The following PHTF2 variants were observed in gnomAD, a reference collection of about 807,000 sequenced individuals.
PHTF2 encodes putative homeodomain transcription factor 2, also known as protein PHTF2.
PHTF2 carries 60 observed loss-of-function variants against 101.2 expected under a neutral mutation model. The ratio of observed to expected loss-of-function variants is 0.59; its 90% CI spans 0.48 to 0.73. The LOEUF (loss-of-function observed/expected upper bound fraction) is 0.73. Ranked by LOEUF, PHTF2 falls within the 30% of genes least tolerant of loss-of-function variation. PHTF2 has a pLI of 0.00. For missense variants in PHTF2, 747 were observed against 908.7 expected (o/e 0.82, Z 2.29); for synonymous variants, 311 against 307.3 (o/e 1.01, Z -0.13).
intron 3 of PHTF2, among the ~76,000 whole-genome samples, 165 bp from the exon 3 acceptor site, chr7:77,893,443 C>A (rs1198599443): frequency 1.3e-5 from 2 of 152,106 alleles, no homozygotes; most frequent in Non-Finnish European, 2.9e-5. Context: ...TGAAATCATA[C>A]TTTGAGAACC....
intron 14 of PHTF2, 106 bp downstream of exon 13, chr7:77,940,408 A>T (rs1036714216): frequency 7.8e-7 from 1 of 1,273,952 alleles, no homozygotes. Context: ...TTACCTAATT[A>T]TTTTTTATTT....
intron 1 of PHTF2, among the ~76,000 whole-genome samples, chr7:77,801,050 A>G (rs1372088609): frequency 6.6e-6 from 1 of 152,262 alleles, no homozygotes; most frequent in African/African-American, 2.4e-5. Context: ...TATTGTACAC[A>G]GTAACACTTT....
At chr7:77,884,714 T>C (rs1034569871) in intron 3 of PHTF2, among the ~76,000 whole-genome samples, 1 of 152,076 alleles carries the variant, frequency 6.6e-6, no homozygotes, top group African/African-American at 2.4e-5. Context: ...CTGACCAATA[T>C]GGTCAAACCC....
chr7:77,931,753 T>C (rs969585741), intron 12 of PHTF2, among the ~76,000 whole-genome samples: 2 of 152,190 alleles, frequency 1.3e-5, no homozygotes, highest in African/African-American at 4.8e-5. Flanking sequence ...TTGTGCATGA[T>C]AGTGAAAGTT....
At chr7:77,955,251 A>G (rs1806923212) in exon 20 of PHTF2, 1 of 155,924 alleles carries the variant, frequency 6.4e-6, no homozygotes, top group African/African-American at 2.4e-5. Context: ...TACTTGAGGA[A>G]AAATTCTTTA....
At chr7:77,876,092 C>T (rs1798922322) in intron 3 of PHTF2, among the ~76,000 whole-genome samples, 1 of 152,184 alleles carries the variant, frequency 6.6e-6, no homozygotes, top group African/African-American at 2.4e-5. Flanking sequence ...AGTATCTGCA[C>T]TCTTTACTTA....
exon 16 of PHTF2, chr7:77,942,740 C>A: frequency 6.2e-7 from 1 of 1,603,630 alleles, no homozygotes; most frequent in Non-Finnish European, 8.5e-7. Flanking sequence ...ATAGTTTCAT[C>A]TGCTTTCTTA....
rs777910544 is a variant in PHTF2, at chr7:77,937,880, TTAG to T, written c.1467+45_1467+47del. 9 of 1,054,444 alleles carry T rather than the reference TTAG, an allele frequency of 8.5e-6. No homozygotes were observed. In the South Asian group the frequency reaches 1.9e-4, roughly 22 times the overall value. The allele number at this position is 1,054,444 out of a possible 1,614,324, so 65.3% of individuals were successfully genotyped here. A position where few individuals can be genotyped will look rare whatever the true frequency, so the allele number is the denominator to read the frequency against. On this transcript the variant is annotated intron_variant, in intron 13 of 19. Coordinates refer to ENST00000416283, the Ensembl canonical transcript of PHTF2. ...TATTCTTGTAGTTCAAGGGTAAGAC[TTAG>T]TAATTATATATAAGATAATTACTGG... is the stretch of plus-strand genomic sequence containing the variant.
exon 18 of PHTF2, chr7:77,951,649 T>C: frequency 6.8e-7 from 1 of 1,473,006 alleles, no homozygotes; most frequent in Non-Finnish European, 9.2e-7. Flanking sequence ...AGAAAAAACC[T>C]AACAAAAAGG....
At chr7:77,839,869 A>G (rs1434565803) in intron 1 of PHTF2, among the ~76,000 whole-genome samples, 1 of 152,224 alleles carries the variant, frequency 6.6e-6, no homozygotes, top group Non-Finnish European at 1.5e-5. Flanking sequence ...AACAAACTAC[A>G]TTACTGATTG....
At chr7:77,954,612 G>GTGTATA (rs1426693429) in intron 19 of PHTF2, among the ~76,000 whole-genome samples, 1,713 of 90,090 alleles carry the variant, frequency 0.019, 21 homozygotes, top group African/African-American at 0.022. Context: ...CAAGTACTGT[G>GTGTATA]TATATATATA....
chr7:77,810,395 A>G (rs929563194), intron 1 of PHTF2, among the ~76,000 whole-genome samples: 3 of 152,230 alleles, frequency 2.0e-5, no homozygotes, highest in Non-Finnish European at 4.4e-5. Flanking sequence ...TTTATTGCAG[A>G]AGAAAATTCA....
chr7:77,799,163 C>G (rs982967754), intron 1 of PHTF2, among the ~76,000 whole-genome samples, 192 bp downstream of exon 1: 2 of 152,190 alleles, frequency 1.3e-5, no homozygotes, highest in Non-Finnish European at 2.9e-5. Context: ...GGGCCGGGGT[C>G]AGCCGCGACC....
At chr7:77,833,156 A>C (rs1170719735) in intron 1 of PHTF2, among the ~76,000 whole-genome samples, 1 of 152,222 alleles carries the variant, frequency 6.6e-6, no homozygotes, top group Admixed American at 6.5e-5. Flanking sequence ...AGAAATATTA[A>C]ATGGAAGAAT....
intron 1 of PHTF2, among the ~76,000 whole-genome samples, chr7:77,806,465 A>G (rs1479289126): frequency 6.6e-6 from 1 of 152,180 alleles, no homozygotes; most frequent in Non-Finnish European, 1.5e-5. Flanking sequence ...TCTACTTTGT[A>G]TAGCCATTCA....
chr7:77,825,741 TA>T lies in PHTF2; in HGVS notation c.-35-14479del, dbSNP rs1302005844. On this transcript the variant is annotated intron_variant, in intron 1 of 19. Coordinates refer to ENST00000416283, the Ensembl canonical transcript of PHTF2. ...GCCCCAACTAAGATGAGAAAGGTGT[TA>T]GGGGTGGCCGAGCAGAATCTTGGAT... Among the ~76,000 whole-genome samples, 6 of 152,290 alleles carry T rather than the reference TA, an allele frequency of 3.9e-5. No homozygotes were observed. In the East Asian group the frequency reaches 7.7e-4, roughly 20 times the overall value.
intron 1 of PHTF2, among the ~76,000 whole-genome samples, chr7:77,816,992 A>T (rs1022374092): frequency 6.6e-6 from 1 of 152,184 alleles, no homozygotes; most frequent in Non-Finnish European, 1.5e-5. Context: ...GGTTGATTCC[A>T]TATCTTGACT....
chr7:77,913,675 G>C (rs562737791), intron 9 of PHTF2, among the ~76,000 whole-genome samples: 1 of 152,036 alleles, frequency 6.6e-6, no homozygotes, highest in Non-Finnish European at 1.5e-5. Flanking sequence ...TCTCAAACTC[G>C]TGGGCTCAAG....
At chr7:77,804,910 T>G (rs2150466729) in intron 1 of PHTF2, among the ~76,000 whole-genome samples, 1 of 152,356 alleles carries the variant, frequency 6.6e-6, no homozygotes, top group Admixed American at 6.5e-5. Context: ...CAGAATAATT[T>G]TGTTGAAATA....
Sources: gnomAD v4.1 joint callset for allele counts (sites outside exome capture counted in the v4.1 genomes callset) on GRCh38, gnomAD v4.1.1 for gene constraint, MANE v1.5 for transcripts, NCBI Gene and HGNC (gene_info 2026-07-23, HGNC 2026-07-21) for gene names.